Variants in HOMER3 observed in about 807,000 individuals in gnomAD.
HOMER3 encodes homer protein homolog 3.
In HOMER3, 34 loss-of-function variants were observed where a neutral mutation model predicts 45.5. The observed-to-expected ratio is 0.75, with a 90% CI of 0.57 to 1.00. HOMER3 has a LOEUF of 1.00. Ranked by LOEUF, HOMER3 falls within the 50% of genes least tolerant of loss-of-function variation. HOMER3 has a pLI of 0.00. For missense variants in HOMER3, 480 were observed against 497.5 expected (o/e 0.96, Z 0.33); for synonymous variants, 223 against 208.8 (o/e 1.07, Z -0.58).
Position 18,933,006 on chromosome 19 carries a change from C to A in HOMER3, c.451G>T (p.Glu151Ter). The A allele has an allele frequency of 6.7e-7, 1 of 1,482,938 alleles. No homozygotes were observed. The highest frequency in any genetic ancestry group is 8.9e-7 in the Non-Finnish European group (1 of 1,121,548). The allele number at this position is 1,482,938 out of a possible 1,614,324, so 91.9% of individuals were successfully genotyped here. A position where few individuals can be genotyped will look rare whatever the true frequency, so the allele number is the denominator to read the frequency against. ...CTCTGGCTGCGGAACAGTTTTTCCT[C>A]GCCGGGGCCGTTGGCACTGACGAGA... Reference protein sequence around the residue: ...SPLVSANGPGEEKLFRSQSAD... With the variant: ...SPLVSANGPG The change falls in exon 6 of 10, where the codon GAG becomes TAG. Residue 151 changes from glutamate to a stop codon, truncating the protein, a stop_gained. Coordinates refer to ENST00000392351, the MANE Select transcript of HOMER3 (RefSeq NM_004838.4). LOFTEE classifies it high-confidence loss of function.
At chr19:18,930,834 C>A (rs1006965341) in intron 9 of HOMER3, among the ~76,000 whole-genome samples, 18 of 152,132 alleles carry the variant, frequency 1.2e-4, no homozygotes, top group Non-Finnish European at 2.5e-4. Context: ...TGGTGAAACC[C>A]TGTCTCTACT....
intron 3 of HOMER3, 47 bp from the exon 4 acceptor site, chr19:18,938,531 A>C: frequency 1.3e-6 from 2 of 1,591,804 alleles, no homozygotes; most frequent in South Asian, 2.2e-5. Context: ...AGATACTAAC[A>C]AACATGAAAC....
chr19:18,933,069 T>G (rs754754895), intron 5 of HOMER3, 24 bp from the exon 6 acceptor site: 1 of 1,475,458 alleles, frequency 6.8e-7, no homozygotes, highest in Non-Finnish European at 9.0e-7. Flanking sequence ...AAAGAATAGG[T>G]CACGACCCCA....
At chr19:18,931,711 G>C in intron 7 of HOMER3, 86 bp from the exon 8 acceptor site, 1 of 1,517,464 alleles carries the variant, frequency 6.6e-7, no homozygotes, top group African/African-American at 1.4e-5. Context: ...CCTCCTGTCT[G>C]GCCACGCCCA....
chr19:18,936,325 T>A (rs141497570), intron 4 of HOMER3, among the ~76,000 whole-genome samples: 7,736 of 134,418 alleles, frequency 0.058, 523 homozygotes, highest in Non-Finnish European at 0.091. Context: ...AAAAAATAAA[T>A]AAATAAATAA....
intron 4 of HOMER3, among the ~76,000 whole-genome samples, chr19:18,934,896 CTT>C: frequency 6.8e-6 from 1 of 146,602 alleles, no homozygotes; most frequent in Non-Finnish European, 1.5e-5. Flanking sequence ...GAGATGGAGT[CTT>C]GCTCTGTTGC....
intron 4 of HOMER3, among the ~76,000 whole-genome samples, chr19:18,937,627 G>C (rs575291972): frequency 1.4e-5 from 2 of 145,634 alleles, no homozygotes; most frequent in Non-Finnish European, 3.0e-5. Context: ...AGCCGAGATC[G>C]TGCCACTGCA....
Position 18,938,962 on chromosome 19 carries a change from A to G in HOMER3, c.14+7T>C. 1.9e-6 allele frequency: 3 copies of G among 1,601,516 alleles called. No homozygotes were observed. The highest frequency in any genetic ancestry group is 2.6e-6 in the Non-Finnish European group (3 of 1,173,878). ...TCAGGGCCAGGCTGGGGGAGGTGGG[A>G]GCTCACCTGGCTGTGGACATTGGTC... On this transcript the variant is annotated splice_region_variant and intron_variant, in intron 2 of 9. Transcript: ENST00000392351.
chr19:18,930,317 G>A (rs1014053299), intron 9 of HOMER3, among the ~76,000 whole-genome samples: 5 of 150,686 alleles, frequency 3.3e-5, no homozygotes, highest in Non-Finnish European at 7.4e-5. Context: ...GGAGGCCGAG[G>A]CGAGTGGATC....
chr19:18,939,090 G>T, intron 1 of HOMER3, 41 bp from the exon 2 acceptor site: 1 of 1,112,002 alleles, frequency 9.0e-7, no homozygotes, highest in Non-Finnish European at 1.2e-6. Flanking sequence ...CTCAGGCCAG[G>T]CTGAGGGAGG....
intron 6 of HOMER3, among the ~76,000 whole-genome samples, chr19:18,932,655 G>T (rs2057049213): frequency 1.3e-5 from 2 of 152,026 alleles, no homozygotes; most frequent in African/African-American, 4.8e-5. Context: ...GGTCAGGGTG[G>T]TTATCCTAAG....
At chr19:18,935,838 G>A (rs578192273) in intron 4 of HOMER3, among the ~76,000 whole-genome samples, 3,319 of 148,294 alleles carry the variant, frequency 0.022, 106 homozygotes, top group Admixed American at 0.031. Context: ...TGGCCAACAT[G>A]GTGAAACCCC....
chr19:18,932,877 C>A, intron 6 of HOMER3, 47 bp downstream of exon 6: 1 of 767,218 alleles, frequency 1.3e-6, no homozygotes, highest in Non-Finnish European at 1.9e-6. Flanking sequence ...TCCTCGTCCC[C>A]CACCCCTACC....
intron 4 of HOMER3, 39 bp downstream of exon 4, chr19:18,938,314 C>A: frequency 6.3e-7 from 1 of 1,579,716 alleles, no homozygotes; most frequent in Non-Finnish European, 8.7e-7. Flanking sequence ...TGGGCCCAGT[C>A]TCATCGGTTC....
intron 4 of HOMER3, among the ~76,000 whole-genome samples, chr19:18,935,845 C>T (rs1052763207): frequency 1.3e-5 from 2 of 151,650 alleles, no homozygotes; most frequent in Non-Finnish European, 2.9e-5. Context: ...CATGGTGAAA[C>T]CCCATCTCTA....
At chr19:18,930,762 C>A (rs751903342) in intron 9 of HOMER3, among the ~76,000 whole-genome samples, 2 of 152,076 alleles carry the variant, frequency 1.3e-5, no homozygotes, top group Non-Finnish European at 2.9e-5. Flanking sequence ...GTAATCCCAG[C>A]ACTTTGGGAG....
intron 6 of HOMER3, 22 bp downstream of exon 6, chr19:18,932,873 TCCCCCACCCCTACCCCCGCCCCTGCCACG>T: frequency 1.1e-6 from 1 of 877,124 alleles, no homozygotes; most frequent in Non-Finnish European, 1.6e-6. Context: ...CGCCTCCTCG[TCCCCCACCCCTACCCCCGCCCCTGCCACG>T]CCCCCAAGTC....
In HOMER3 at chr19:18,938,843, A is replaced by G. The variant is rs1440981375; in HGVS notation, c.56T>C (p.Ile19Thr). Residue 19 changes from isoleucine (I) to threonine (T), a missense_variant, in exon 3 of 10, where the codon ATT becomes ACT. Physicochemically the swap from Ile to Thr is moderately conservative, Grantham distance 89. Transcript: ENST00000392351. The stretch of plus-strand genomic sequence containing the variant: ...CCAGTTTCGCTTGGTGGCTGGGTCA[A>G]TTTGGAACACGTGCGCCCGTGTGCT... ...IFSTRAHVFQIDPATKRNWIP... is the reference protein window; with the variant it reads ...IFSTRAHVFQTDPATKRNWIP... 2 of 1,602,306 alleles carry G rather than the reference A, an allele frequency of 1.2e-6. No individual in the cohort carries two copies. Among genetic ancestry groups the G allele is most frequent in the Non-Finnish European group, 1.7e-6 (2 of 1,174,806 alleles).
chr19:18,937,308 T>TAAA (rs535744160), intron 4 of HOMER3, among the ~76,000 whole-genome samples: 37,797 of 81,766 alleles, frequency 0.46, 8,380 homozygotes, highest in Middle Eastern at 0.57. Flanking sequence ...AAGATCTTGT[T>TAAA]AAAAAAAAAA....
Sources: allele counts gnomAD v4.1 joint callset (sites outside exome capture counted in the v4.1 genomes callset), GRCh38; gene constraint gnomAD v4.1.1; transcripts MANE v1.5; gene names NCBI Gene and HGNC (gene_info 2026-07-23, HGNC 2026-07-21).